Variants in ERICH1 observed in about 807,000 individuals in gnomAD.
The protein encoded by ERICH1 is glutamate rich 1, also known as glutamate-rich protein 1.
Under a neutral mutation model 39.6 loss-of-function variants are expected in ERICH1, and 56 were observed. The observed-to-expected ratio is 1.41, with a 90% CI of 1.14 to 1.77. The LOEUF (loss-of-function observed/expected upper bound fraction) is 1.77. Among genes scored for constraint, ERICH1 ranks in the 40% most tolerant of loss-of-function variants. The pLI is 0.00. For missense variants in ERICH1, 826 were observed against 575.4 expected, an observed-to-expected ratio of 1.44 and a Z score of -4.45; for synonymous variants, 313 against 223.6, an observed-to-expected ratio of 1.40 and a Z score of -3.57.
chr8:682,031 C>T (rs1806244067), intron 3 of ERICH1, among the ~76,000 whole-genome samples: 1 of 151,280 alleles, frequency 6.6e-6, no homozygotes, highest in Non-Finnish European at 1.5e-5. Flanking sequence ...GTTTTCCATC[C>T]ACCCCCACCC....
At chr8:643,204 T>C (rs1446109715) in intron 3 of ERICH1, among the ~76,000 whole-genome samples, 2 of 152,200 alleles carry the variant, frequency 1.3e-5, no homozygotes, top group African/African-American at 2.4e-5. Flanking sequence ...CGTTAAACAT[T>C]GCATGCGATT....
At chr8:680,802 TGA>T (rs1440858012) in intron 3 of ERICH1, among the ~76,000 whole-genome samples, 1 of 152,202 alleles carries the variant, frequency 6.6e-6, no homozygotes, top group East Asian at 1.9e-4. Context: ...TGACAGTGTG[TGA>T]GAGAGCCCAG....
intron 2 of ERICH1, among the ~76,000 whole-genome samples, chr8:699,382 A>AT (rs1811144490): frequency 6.6e-6 from 1 of 152,106 alleles, no homozygotes; most frequent in Non-Finnish European, 1.5e-5. Flanking sequence ...GTACCACGAC[A>AT]TTTCAAGTAA....
intron 2 of ERICH1, among the ~76,000 whole-genome samples, chr8:694,100 T>C (rs1000077421): frequency 8.5e-5 from 13 of 152,226 alleles, no homozygotes; most frequent in African/African-American, 3.1e-4. Flanking sequence ...AAAACAACAA[T>C]GACAGGTATT....
At chr8:644,196 A>G (rs1292256389) in intron 3 of ERICH1, among the ~76,000 whole-genome samples, 1 of 151,692 alleles carries the variant, frequency 6.6e-6, no homozygotes, top group Non-Finnish European at 1.5e-5. Flanking sequence ...GCCCCATCCT[A>G]AGGCAAGCGC....
At chr8:654,127 T>C (rs1198683216) in intron 3 of ERICH1, among the ~76,000 whole-genome samples, 2 of 152,222 alleles carry the variant, frequency 1.3e-5, no homozygotes, top group Non-Finnish European at 2.9e-5. Context: ...ACAGTATGTG[T>C]ATCACAATAC....
chr8:616,539 C>A (rs756711212), intron 3 of ERICH1: 3 of 455,776 alleles, frequency 6.6e-6, no homozygotes, highest in African/African-American at 4.0e-5. Context: ...GACCACAACA[C>A]GCACATCTGG....
chr8:677,904 C>T (rs1805223933), intron 3 of ERICH1, among the ~76,000 whole-genome samples: 1 of 152,190 alleles, frequency 6.6e-6, no homozygotes, highest in African/African-American at 2.4e-5. Flanking sequence ...CCTTCTCTGC[C>T]AGCTCTGTCA....
chr8:717,991 A>C (rs1158062593), intron 1 of ERICH1, among the ~76,000 whole-genome samples: 1 of 152,260 alleles, frequency 6.6e-6, no homozygotes, highest in Admixed American at 6.5e-5. Context: ...GATCCCAAAG[A>C]AAATGGCAGA....
intron 2 of ERICH1, among the ~76,000 whole-genome samples, chr8:694,733 C>T (rs1809737996): frequency 6.6e-6 from 1 of 152,216 alleles, no homozygotes; most frequent in Admixed American, 6.5e-5. Context: ...TTTTTATATT[C>T]TTTTGGGTAA....
chr8:657,768 G>C (rs1458345146), intron 3 of ERICH1, among the ~76,000 whole-genome samples: 1 of 152,078 alleles, frequency 6.6e-6, no homozygotes, highest in Non-Finnish European at 1.5e-5. Context: ...AAAGGACTCA[G>C]TAATGTGCAG....
At chr8:674,446 G>T (rs2131874678) in intron 3 of ERICH1, among the ~76,000 whole-genome samples, 1 of 152,214 alleles carries the variant, frequency 6.6e-6, no homozygotes, top group African/African-American at 2.4e-5. Flanking sequence ...GGGAGTACAG[G>T]CAAGCACCAC....
At chr8:619,703 G>C (rs778348046) in intron 3 of ERICH1, among the ~76,000 whole-genome samples, 3 of 152,226 alleles carry the variant, frequency 2.0e-5, no homozygotes, top group East Asian at 1.9e-4. Flanking sequence ...TGTTGGGTTT[G>C]TAACATATAC....
intron 2 of ERICH1, among the ~76,000 whole-genome samples, chr8:701,075 T>C (rs572250814): frequency 3.4e-5 from 5 of 145,952 alleles, no homozygotes; most frequent in African/African-American, 1.2e-4. Context: ...ATTTTCAAGA[T>C]TTTTTTTGCT....
chr8:711,673 A>G (rs569764345), intron 2 of ERICH1, among the ~76,000 whole-genome samples: 1 of 152,018 alleles, frequency 6.6e-6, no homozygotes, highest in Non-Finnish European at 1.5e-5. Flanking sequence ...GATTTTTTGT[A>G]TTTTTATTAG....
At chr8:662,948 C>T (rs1299903696), downstream of ERICH1, among the ~76,000 whole-genome samples, 1 of 152,222 alleles carries the variant, frequency 6.6e-6, no homozygotes, top group Admixed American at 6.5e-5. Context: ...GCGGCGCCTG[C>T]AGCTCCTGCC....
chr8:654,797 T>C (rs911221364), intron 3 of ERICH1, among the ~76,000 whole-genome samples: 1 of 152,106 alleles, frequency 6.6e-6, no homozygotes, highest in Non-Finnish European at 1.5e-5. Context: ...GTGGTGTCCA[T>C]GGTGGCAGTG....
At chr8:656,383 C>A (rs1669709) in intron 3 of ERICH1, among the ~76,000 whole-genome samples, 1 of 152,174 alleles carries the variant, frequency 6.6e-6, no homozygotes, top group African/African-American at 2.4e-5. Context: ...ACATCCGGAT[C>A]GTCCTTGTTG....
chr8:624,682 AG>A (rs1438328770), intron 3 of ERICH1, among the ~76,000 whole-genome samples: 12 of 151,784 alleles, frequency 7.9e-5, no homozygotes, highest in Non-Finnish European at 1.8e-4. Flanking sequence ...AAGAGAGTAA[AG>A]GGGGAGGCGC....
Sources: allele counts gnomAD v4.1 joint callset (sites outside exome capture counted in the v4.1 genomes callset), GRCh38; gene constraint gnomAD v4.1.1; transcripts MANE v1.5; gene names NCBI Gene and HGNC (gene_info 2026-07-23, HGNC 2026-07-21).